PTCHD4: variants seen among roughly 807,000 people sequenced by gnomAD.
The protein encoded by PTCHD4 is patched domain containing 4, also known as patched domain-containing protein 4.
Under a neutral mutation model 58.1 loss-of-function variants are expected in PTCHD4, and 33 were observed. The observed-to-expected ratio is 0.57, with a 90% confidence interval of 0.43 to 0.76. The LOEUF is 0.76. Among genes scored for constraint, PTCHD4 ranks in the 30% least tolerant of loss-of-function variants. PTCHD4 has a pLI of 0.00. For missense variants in PTCHD4, 1,058 were observed against 1,027.1 expected (o/e 1.03, Z -0.41); for synonymous variants, 478 against 409.6 (o/e 1.17, Z -2.02).
intron 4 of PTCHD4, among the ~76,000 whole-genome samples, chr6:47,959,673 A>G (rs1412236761): frequency 1.3e-5 from 2 of 152,118 alleles, no homozygotes; most frequent in African/African-American, 4.8e-5. Flanking sequence ...GCAATAGGAC[A>G]TATTATATAC....
intron 1 of PTCHD4, among the ~76,000 whole-genome samples, chr6:48,085,450 A>C (rs1347692225): frequency 6.6e-6 from 1 of 152,094 alleles, no homozygotes; most frequent in Non-Finnish European, 1.5e-5. Flanking sequence ...GACTTCTCTA[A>C]TAAGGAACAA....
At chr6:48,046,706 G>T (rs1193306246) in intron 3 of PTCHD4, among the ~76,000 whole-genome samples, 1 of 151,682 alleles carries the variant, frequency 6.6e-6, no homozygotes, top group Non-Finnish European at 1.5e-5. Context: ...ATCTTGTCCT[G>T]CAGTATAACA....
chr6:47,890,131 G>A (rs1764331160), intron 4 of PTCHD4, among the ~76,000 whole-genome samples: 1 of 151,784 alleles, frequency 6.6e-6, no homozygotes, highest in East Asian at 1.9e-4. Context: ...TATAGTATAT[G>A]TGTGTGTGTT....
At chr6:48,071,696 T>C (rs1325877793) in intron 1 of PTCHD4, among the ~76,000 whole-genome samples, 7 of 152,220 alleles carry the variant, frequency 4.6e-5, no homozygotes, top group Non-Finnish European at 1.0e-4. Context: ...ATACTTTATT[T>C]ACTTTTCCTT....
At chr6:47,917,003 C>G (rs2113877535) in intron 4 of PTCHD4, among the ~76,000 whole-genome samples, 1 of 152,150 alleles carries the variant, frequency 6.6e-6, no homozygotes, top group African/African-American at 2.4e-5. Context: ...TATAGAGATT[C>G]ATTCTCTAAA....
At chr6:48,063,883 T>G (rs1764710728) in intron 3 of PTCHD4, among the ~76,000 whole-genome samples, 1 of 152,176 alleles carries the variant, frequency 6.6e-6, no homozygotes, top group Admixed American at 6.5e-5. Context: ...GGTCCTCACT[T>G]TTCATGTTGG....
Position 47,864,484 on chromosome 6 carries a change from AG to A in PTCHD4, c.*13818del, listed in dbSNP as rs1231372749. 4.0e-5 allele frequency among the ~76,000 whole-genome samples: 6 copies of A among 151,862 alleles called. No individual in the cohort carries two copies. Among genetic ancestry groups the A allele is most frequent in the African/African-American group, 1.4e-4 (6 of 41,386 alleles). On this transcript the variant is annotated 3_prime_UTR_variant, in exon 5 of 5. Coordinates refer to ENST00000339488, the MANE Select transcript of PTCHD4 (RefSeq NM_001384253.1). ...CTTGAATGAAAGATTTGGAGAATAAAGGGGTTAATAGATAATTACATTTTTT... is the reference window on the plus strand; with the variant it reads ...CTTGAATGAAAGATTTGGAGAATAAAGGGTTAATAGATAATTACATTTTTT...
At chr6:47,951,963 T>G (rs1377921241) in intron 4 of PTCHD4, among the ~76,000 whole-genome samples, 1 of 152,122 alleles carries the variant, frequency 6.6e-6, no homozygotes, top group Non-Finnish European at 1.5e-5. Flanking sequence ...ATCCAAGCAA[T>G]TGTTTAGAAG....
intron 4 of PTCHD4, among the ~76,000 whole-genome samples, chr6:48,007,292 C>T (rs1173294680): frequency 2.0e-5 from 3 of 151,878 alleles, no homozygotes; most frequent in African/African-American, 4.8e-5. Flanking sequence ...AACATGGCCA[C>T]AATGATATTG....
intron 3 of PTCHD4, among the ~76,000 whole-genome samples, chr6:48,042,175 A>G (rs950277724): frequency 4.6e-5 from 7 of 151,754 alleles, no homozygotes; most frequent in Admixed American, 3.9e-4. Context: ...AAAGAGAAAG[A>G]CTCCCCACCC....
Position 47,866,765 on chromosome 6 carries a change from T to C in PTCHD4, c.*11538A>G, listed in dbSNP as rs968917299. 2.0e-5 allele frequency among the ~76,000 whole-genome samples: 3 copies of C among 151,906 alleles called. No homozygotes were observed. The highest frequency in any genetic ancestry group is 2.0e-4 in the Admixed American group (3 of 15,210). On this transcript the variant is annotated 3_prime_UTR_variant, in exon 5 of 5. Transcript: ENST00000339488. The stretch of plus-strand genomic sequence containing the variant: ...AAAAAGGACAAGGGTAATGTATAAA[T>C]CAGTTAGGTTTATGCTTAAAAACTA...
At chr6:47,901,765 T>G (rs1184771568) in intron 4 of PTCHD4, 1 of 1,231,298 alleles carries the variant, frequency 8.1e-7, no homozygotes, top group Admixed American at 2.8e-5. Context: ...TTGGTGGTGA[T>G]GATGATGATG....
intron 4 of PTCHD4, among the ~76,000 whole-genome samples, chr6:48,004,956 T>C (rs1334191077): frequency 1.3e-5 from 2 of 152,182 alleles, no homozygotes; most frequent in East Asian, 3.8e-4. Context: ...GAATTCTTTC[T>C]GAATACTTCT....
chr6:48,060,974 G>A (rs962778075), intron 3 of PTCHD4, among the ~76,000 whole-genome samples: 1 of 152,194 alleles, frequency 6.6e-6, no homozygotes, highest in Non-Finnish European at 1.5e-5. Context: ...AATGAGACTT[G>A]ATTTCAGTGA....
intron 1 of PTCHD4, among the ~76,000 whole-genome samples, chr6:48,094,273 G>C (rs1481558973): frequency 6.6e-6 from 1 of 152,134 alleles, no homozygotes; most frequent in Non-Finnish European, 1.5e-5. Flanking sequence ...CACAACCAGA[G>C]GACTAATTTG....
chr6:47,927,875 G>A (rs1019737052), intron 4 of PTCHD4, among the ~76,000 whole-genome samples: 11 of 151,350 alleles, frequency 7.3e-5, no homozygotes, highest in South Asian at 2.1e-4. Flanking sequence ...CATCTGCCTC[G>A]GCCTTCTAAA....
At chr6:47,966,855 A>G (rs1767315091) in intron 4 of PTCHD4, among the ~76,000 whole-genome samples, 2 of 152,146 alleles carry the variant, frequency 1.3e-5, no homozygotes, top group African/African-American at 4.8e-5. Context: ...TGATATTTCC[A>G]CCACATCTAG....
intron 3 of PTCHD4, among the ~76,000 whole-genome samples, chr6:48,030,722 A>G (rs1028651128): frequency 8.5e-5 from 13 of 152,152 alleles, no homozygotes; most frequent in African/African-American, 3.1e-4. Flanking sequence ...ACCATCTAAT[A>G]AAATAAGTTT....
intron 3 of PTCHD4, among the ~76,000 whole-genome samples, chr6:48,035,571 A>G (rs537706388): frequency 1.3e-5 from 2 of 152,274 alleles, no homozygotes; most frequent in South Asian, 2.1e-4. Context: ...ACTCTACTCA[A>G]GCTCTTCTGA....
Sources: allele counts gnomAD v4.1 joint callset (sites outside exome capture counted in the v4.1 genomes callset), GRCh38; gene constraint gnomAD v4.1.1; transcripts MANE v1.5; gene names NCBI Gene and HGNC (gene_info 2026-07-23, HGNC 2026-07-21).